CDH4: variants seen among roughly 807,000 people sequenced by gnomAD.
CDH4 encodes cadherin 4, also known as cadherin-4.
CDH4 carries 33 observed loss-of-function variants against 86.0 expected under a neutral mutation model. That is an observed-to-expected ratio of 0.38 (90% CI 0.29 to 0.51). The LOEUF (loss-of-function observed/expected upper bound fraction) is 0.51, where lower values mean the gene tolerates loss of function less well. Ranked by LOEUF, CDH4 falls within the 20% of genes least tolerant of loss-of-function variation. The pLI, the probability that CDH4 is intolerant of heterozygous loss-of-function variation, is 0.86. For synonymous variants in CDH4, 555 were observed against 549.4 expected (o/e 1.01, Z -0.14); for missense variants, 1,114 against 1,307.4 (o/e 0.85, Z 2.28).
intron 4 of CDH4, among the ~76,000 whole-genome samples, chr20:61,791,913 G>C (rs1201642482): frequency 6.6e-6 from 1 of 152,014 alleles, no homozygotes; most frequent in African/African-American, 2.4e-5. Context: ...GGGGCCTGGG[G>C]GAGGGCAGGA....
intron 2 of CDH4, among the ~76,000 whole-genome samples, chr20:61,375,954 C>G (rs1160295215): frequency 0.017 from 119 of 7,122 alleles, 2 homozygotes; most frequent in Middle Eastern, 0.062. Context: ...TGGTGGTGGT[C>G]ATAGCACTGG....
At chr20:61,642,337 G>C (rs545425614) in intron 2 of CDH4, among the ~76,000 whole-genome samples, 1 of 152,140 alleles carries the variant, frequency 6.6e-6, no homozygotes, top group Non-Finnish European at 1.5e-5. Flanking sequence ...TGGCAGAGGG[G>C]TGTGGAATGG....
At chr20:61,295,082 C>G (rs1173775749) in intron 2 of CDH4, among the ~76,000 whole-genome samples, 2 of 152,184 alleles carry the variant, frequency 1.3e-5, no homozygotes, top group African/African-American at 2.4e-5. Context: ...ATGACTTTGT[C>G]GAAGGCAGGG....
At chr20:61,338,252 A>C (rs139895934) in intron 2 of CDH4, among the ~76,000 whole-genome samples, 1 of 152,204 alleles carries the variant, frequency 6.6e-6, no homozygotes, top group Non-Finnish European at 1.5e-5. Flanking sequence ...ACAAGTTATC[A>C]AGGTACTTTA....
intron 2 of CDH4, among the ~76,000 whole-genome samples, chr20:61,739,816 A>G (rs1343628501): frequency 6.6e-6 from 1 of 152,230 alleles, no homozygotes; most frequent in Non-Finnish European, 1.5e-5. Flanking sequence ...CAGGACTCCA[A>G]GCGCCCACAG....
intron 4 of CDH4, among the ~76,000 whole-genome samples, chr20:61,824,253 G>A (rs906967868): frequency 1.6e-4 from 25 of 151,882 alleles, no homozygotes; most frequent in African/African-American, 6.1e-4. Context: ...CATCCCCATT[G>A]CCACCTTGTC....
chr20:61,515,244 T>G (rs1450703033), intron 2 of CDH4, among the ~76,000 whole-genome samples: 1 of 152,242 alleles, frequency 6.6e-6, no homozygotes, highest in East Asian at 1.9e-4. Flanking sequence ...TTCTGGGGAC[T>G]CCCCTGTGTG....
intron 4 of CDH4, among the ~76,000 whole-genome samples, chr20:61,801,154 T>C (rs948323825): frequency 1.4e-4 from 21 of 151,674 alleles, no homozygotes; most frequent in African/African-American, 5.1e-4. Flanking sequence ...CGTTGGGAGG[T>C]GTTGAGGGCT....
chr20:61,345,005 T>TA (rs2084670009), intron 2 of CDH4, among the ~76,000 whole-genome samples: 1 of 152,158 alleles, frequency 6.6e-6, no homozygotes. Context: ...ATCTCTCAGG[T>TA]AAAAGGTCAA....
intron 2 of CDH4, among the ~76,000 whole-genome samples, chr20:61,734,302 C>T (rs1210539567): frequency 6.6e-6 from 1 of 152,246 alleles, no homozygotes; most frequent in African/African-American, 2.4e-5. Context: ...ATTATGACTG[C>T]TACATGTAAT....
At chr20:61,601,710 C>T (rs1002022825) in intron 2 of CDH4, among the ~76,000 whole-genome samples, 14 of 152,194 alleles carry the variant, frequency 9.2e-5, no homozygotes, top group South Asian at 2.1e-4. Flanking sequence ...CCTGGCGGGG[C>T]GCATGCAGCC....
At chr20:61,626,091 G>A (rs775800822) in intron 2 of CDH4, among the ~76,000 whole-genome samples, 2 of 152,240 alleles carry the variant, frequency 1.3e-5, no homozygotes, top group African/African-American at 2.4e-5. Flanking sequence ...GTGTCTGGCC[G>A]AGTCCTGGGT....
chr20:61,350,125 G>C (rs2084702621), intron 2 of CDH4, among the ~76,000 whole-genome samples: 1 of 124,992 alleles, frequency 8.0e-6, no homozygotes, highest in African/African-American at 3.2e-5. Context: ...CTCCCCCAGT[G>C]CTGCAGAGGC....
At chr20:61,409,090 C>G (rs1439727381) in intron 2 of CDH4, among the ~76,000 whole-genome samples, 2 of 152,244 alleles carry the variant, frequency 1.3e-5, no homozygotes, top group Non-Finnish European at 2.9e-5. Context: ...TCTTCAAAGA[C>G]CCAGCTTGGG....
In CDH4 at chr20:61,807,730, G is replaced by A. The variant is rs928480878; in HGVS notation, c.576+34548G>A. 6.6e-6 allele frequency among the ~76,000 whole-genome samples: 1 copy of A among 152,230 alleles called. No homozygotes were observed. Among genetic ancestry groups the A allele is most frequent in the Admixed American group, 6.5e-5 (1 of 15,284 alleles). ...AACGGTGTGATGAACAAACCGACTC[G>A]GAAAATGCCTGGCGCCAGTAGGAGG... On this transcript the variant is annotated intron_variant, in intron 4 of 15. Coordinates refer to ENST00000614565, the MANE Select transcript of CDH4 (RefSeq NM_001794.5). This position sits in a 1 kb window ranked among gnomAD's most constrained non-coding sequence, Gnocchi z 4.5.
intron 3 of CDH4, among the ~76,000 whole-genome samples, chr20:61,749,139 C>T (rs1000941108): frequency 2.0e-5 from 3 of 152,100 alleles, no homozygotes; most frequent in African/African-American, 7.2e-5. Context: ...CAAGGAGGAA[C>T]ACTTCGTAAT....
chr20:61,587,891 C>G (rs898669456), intron 2 of CDH4, among the ~76,000 whole-genome samples: 1 of 152,152 alleles, frequency 6.6e-6, no homozygotes, highest in Admixed American at 6.5e-5. Context: ...ACTCCGCCCC[C>G]GCCCAGGCCC....
At chr20:61,546,290 G>A (rs758381951) in intron 2 of CDH4, among the ~76,000 whole-genome samples, 3 of 144,784 alleles carry the variant, frequency 2.1e-5, no homozygotes, top group Non-Finnish European at 3.1e-5. Flanking sequence ...GTGTGCGCTC[G>A]AGTGTGCATG....
chr20:61,928,830 T>C (rs1022857936), intron 12 of CDH4, among the ~76,000 whole-genome samples: 1 of 152,358 alleles, frequency 6.6e-6, no homozygotes, highest in Non-Finnish European at 1.5e-5. Context: ...AAATGTGCTC[T>C]AAACATGTCT....
Sources: gnomAD v4.1 joint callset for allele counts (sites outside exome capture counted in the v4.1 genomes callset) on GRCh38, gnomAD v4.1.1 for gene constraint, Gnocchi (gnomAD v3.1) non-coding constraint, MANE v1.5 for transcripts, NCBI Gene and HGNC (gene_info 2026-07-23, HGNC 2026-07-21) for gene names.